The following INPP4B variants were observed in gnomAD, a reference collection of about 807,000 sequenced individuals.
INPP4B encodes the protein inositol polyphosphate-4-phosphatase type II B, also known as inositol polyphosphate 4-phosphatase type II.
In INPP4B, 55 loss-of-function variants were observed where a neutral mutation model predicts 122.5. That is an observed-to-expected ratio of 0.45 (90% CI 0.36 to 0.56). INPP4B has a LOEUF of 0.56. INPP4B is among the 20% of genes least tolerant of loss of function. The pLI is 0.00. For missense variants in INPP4B, 1,000 were observed against 1,097.7 expected (o/e 0.91, Z 1.26); for synonymous variants, 403 against 388.7 (o/e 1.04, Z -0.43).
At chr4:142,067,570 C>G (rs932464771) in intron 25 of INPP4B, among the ~76,000 whole-genome samples, 1 of 152,040 alleles carries the variant, frequency 6.6e-6, no homozygotes, top group Non-Finnish European at 1.5e-5. Context: ...TGCAAGGAAG[C>G]TAAAAACCTT....
intron 1 of INPP4B, among the ~76,000 whole-genome samples, chr4:142,783,940 A>T (rs998140424): frequency 2.0e-5 from 3 of 152,174 alleles, no homozygotes; most frequent in African/African-American, 7.2e-5. Flanking sequence ...AGTTTATAAG[A>T]AGGAGAAATT....
chr4:142,431,414 G>A, intron 3 of INPP4B, 29 bp from the exon 4 acceptor site: 1 of 618,504 alleles, frequency 1.6e-6, no homozygotes, highest in Non-Finnish European at 2.9e-6. Context: ...TAAAATTTCA[G>A]TCATATTGGA....
chr4:142,445,941 A>G (rs1186139817), intron 3 of INPP4B, among the ~76,000 whole-genome samples: 1 of 152,192 alleles, frequency 6.6e-6, no homozygotes, highest in African/African-American at 2.4e-5. Flanking sequence ...TAATTGATAA[A>G]GCAAAAAGAA....
At chr4:142,810,967 G>A (rs778085962) in intron 1 of INPP4B, among the ~76,000 whole-genome samples, 1 of 152,120 alleles carries the variant, frequency 6.6e-6, no homozygotes, top group South Asian at 2.1e-4. Context: ...ACAGAAGGAG[G>A]TTCTATTCTA....
chr4:142,282,526 T>C (rs1206735531), intron 9 of INPP4B, among the ~76,000 whole-genome samples: 1 of 152,130 alleles, frequency 6.6e-6, no homozygotes. Context: ...AATCAAGATA[T>C]AGGCTGGAAT....
chr4:142,675,586 C>T (rs538903982), intron 2 of INPP4B, among the ~76,000 whole-genome samples: 18 of 152,188 alleles, frequency 1.2e-4, no homozygotes, highest in Middle Eastern at 3.4e-3. Flanking sequence ...AACATCAATG[C>T]GAAAATCCTC....
intron 25 of INPP4B, among the ~76,000 whole-genome samples, chr4:142,049,896 T>C (rs1255166788): frequency 1.3e-5 from 2 of 151,916 alleles, no homozygotes; most frequent in African/African-American, 2.4e-5. Context: ...AATTAATAAA[T>C]GGCAATTTGT....
intron 7 of INPP4B, among the ~76,000 whole-genome samples, chr4:142,320,865 C>G (rs1272225657): frequency 6.6e-6 from 1 of 152,158 alleles, no homozygotes. Context: ...TTTATCTACT[C>G]ATTGATTGAT....
At chr4:142,809,437 T>C (rs1239348598) in intron 1 of INPP4B, among the ~76,000 whole-genome samples, 1 of 152,152 alleles carries the variant, frequency 6.6e-6, no homozygotes, top group Non-Finnish European at 1.5e-5. Flanking sequence ...TTCTAACAAG[T>C]GTTACAGAGA....
intron 7 of INPP4B, among the ~76,000 whole-genome samples, chr4:142,373,389 C>T (rs914293031): frequency 6.6e-6 from 1 of 151,980 alleles, no homozygotes; most frequent in East Asian, 1.9e-4. Context: ...ATTAAAAACA[C>T]TCCTTGCAAA....
chr4:142,337,767 A>ATATATTTTATATATATTT (rs1777322579), intron 7 of INPP4B, among the ~76,000 whole-genome samples: 1 of 88,024 alleles, frequency 1.1e-5, no homozygotes, highest in Non-Finnish European at 2.6e-5. Flanking sequence ...TATATATTTT[A>ATATATTTTATATATATTT]TATATATATT....
At chr4:142,483,520 T>C (rs534147066) in intron 2 of INPP4B, among the ~76,000 whole-genome samples, 2 of 152,152 alleles carry the variant, frequency 1.3e-5, no homozygotes, top group Admixed American at 6.6e-5. Flanking sequence ...TAGGTCTTAG[T>C]CAATTGTGTA....
chr4:142,507,277 A>G (rs1489245949), intron 2 of INPP4B, among the ~76,000 whole-genome samples: 2 of 152,150 alleles, frequency 1.3e-5, no homozygotes, highest in Non-Finnish European at 2.9e-5. Context: ...GCTCAAGCTA[A>G]ATACTCAGTA....
At chr4:142,093,324 G>A (rs13327961) in intron 23 of INPP4B, among the ~76,000 whole-genome samples, 38,110 of 151,980 alleles carry the variant, frequency 0.25, 4,836 homozygotes, top group East Asian at 0.3. Flanking sequence ...GGAGCAGAGA[G>A]AAACCATCCC....
chr4:142,474,660 C>A (rs1819510067), intron 2 of INPP4B, among the ~76,000 whole-genome samples: 1 of 152,188 alleles, frequency 6.6e-6, no homozygotes. Flanking sequence ...CTGACTCCTG[C>A]TGCTGGTAGC....
intron 2 of INPP4B, among the ~76,000 whole-genome samples, chr4:142,555,290 A>C (rs1560794173): frequency 6.6e-6 from 1 of 152,196 alleles, no homozygotes; most frequent in Non-Finnish European, 1.5e-5. Flanking sequence ...TTGTAGACTG[A>C]AAAAGCTTTG....
intron 1 of INPP4B, among the ~76,000 whole-genome samples, chr4:142,832,048 A>G (rs1782208648): frequency 2.0e-5 from 3 of 152,208 alleles, no homozygotes; most frequent in Admixed American, 2.0e-4. Flanking sequence ...GGGAAAAACA[A>G]TCCAGCATGT....
chr4:142,794,957 C>CAT (rs10676551), intron 1 of INPP4B, among the ~76,000 whole-genome samples: 58,462 of 151,024 alleles, frequency 0.39, 11,619 homozygotes, highest in South Asian at 0.48. Context: ...TGTGTATATA[C>CAT]ATATATATAT....
rs142081340 is a variant in INPP4B, at chr4:142,504,731, AAAAG to A, written c.-190-42009_-190-42006del. Among the ~76,000 whole-genome samples the A allele has an allele frequency of 8.3e-3, 1,266 of 152,310 alleles. 17 individuals are homozygous for A. The highest frequency in any genetic ancestry group is 0.027 in the African/African-American group (1,120 of 41,570). On this transcript the variant is annotated intron_variant, in intron 2 of 25. Coordinates refer to ENST00000262992, the MANE Select transcript of INPP4B (RefSeq NM_001101669.3). ...TTTTCATACTATATTGTTGAATCAGAAAAGAAAGATACAGAAAAATGTGTAAAAC... is the reference window on the plus strand; with the variant it reads ...TTTTCATACTATATTGTTGAATCAGAAAAGATACAGAAAAATGTGTAAAAC...
Sources: allele counts gnomAD v4.1 joint callset (sites outside exome capture counted in the v4.1 genomes callset), GRCh38; gene constraint gnomAD v4.1.1; transcripts MANE v1.5; gene names NCBI Gene and HGNC (gene_info 2026-07-23, HGNC 2026-07-21).